ANKRD10: variants seen among roughly 807,000 people sequenced by gnomAD.
ANKRD10 encodes ankyrin repeat domain-containing protein 10.
Under a neutral mutation model 27.0 loss-of-function variants are expected in ANKRD10, and 14 were observed. The ratio of observed to expected loss-of-function variants is 0.52; its 90% confidence interval spans 0.34 to 0.81. The LOEUF is 0.81. Among genes scored for constraint, ANKRD10 ranks in the 40% least tolerant of loss-of-function variants. ANKRD10 has a pLI of 0.01. For synonymous variants in ANKRD10, 250 were observed against 224.5 expected (o/e 1.11, Z -1.01); for missense variants, 493 against 544.0 (o/e 0.91, Z 0.93).
chr13:110,912,368 A>T (rs888768006), intron 1 of ANKRD10, among the ~76,000 whole-genome samples: 2 of 152,046 alleles, frequency 1.3e-5, no homozygotes, highest in Non-Finnish European at 2.9e-5. Flanking sequence ...GATTCAAAAC[A>T]CCCTCTTCAA....
chr13:110,910,683 C>T lies in ANKRD10; in HGVS notation c.298G>A (p.Ala100Thr). The T allele has an allele frequency of 6.2e-7, 1 of 1,614,172 alleles. No individual in the cohort carries two copies. Among genetic ancestry groups the T allele is most frequent in the Non-Finnish European group, 8.5e-7 (1 of 1,180,016 alleles). Residue 100 changes from alanine (A) to threonine (T), a missense_variant, in exon 2 of 6, where the codon GCC (alanine) becomes ACC (threonine). Physicochemically the swap from Ala to Thr is moderately conservative, Grantham distance 58. Coordinates refer to ENST00000267339, the MANE Select transcript of ANKRD10 (RefSeq NM_017664.4). Reference protein sequence around the residue: ...RYAQTPAHIAAFGGHPQCLVW... With the variant: ...RYAQTPAHIATFGGHPQCLVW... ...AGGCACTGAGGATGTCCCCCAAAGG[C>T]TGCAATGTGGGCTGGCGTCTGCGCG...
rs374936803 is a variant in ANKRD10, at chr13:110,883,773, C to A, written c.712G>T (p.Val238Leu). 6.8e-6 allele frequency: 11 copies of A among 1,614,000 alleles called. No individual in the cohort carries two copies. The highest frequency in any genetic ancestry group is 1.1e-5 in the South Asian group (1 of 91,088). Reference protein sequence around the residue: ...RTEAQSLDSAVPLTNGDTEDD... With the variant: ...RTEAQSLDSALPLTNGDTEDD... The stretch of plus-strand genomic sequence containing the variant: ...TCTGTGTCGCCATTCGTGAGTGGCA[C>A]GGCAGAATCCAAGCTTTGAGCTGCA... The change falls in exon 5 of 6, where the codon GTG (valine) becomes TTG (leucine). Residue 238 changes from valine (V) to leucine (L), a missense_variant. Val to Leu is a conservative substitution (Grantham distance 32). Transcript: ENST00000267339.
intron 1 of ANKRD10, among the ~76,000 whole-genome samples, chr13:110,912,916 C>G (rs1483358356): frequency 6.6e-6 from 1 of 152,156 alleles, no homozygotes; most frequent in African/African-American, 2.4e-5. Context: ...GACCAAAGAG[C>G]CCTATGATTC....
chr13:110,902,998 G>C (rs2065427110), intron 3 of ANKRD10, among the ~76,000 whole-genome samples: 1 of 152,118 alleles, frequency 6.6e-6, no homozygotes, highest in East Asian at 1.9e-4. Context: ...GTAGTGAAAA[G>C]GTCTTCTTAA....
intron 4 of ANKRD10, among the ~76,000 whole-genome samples, chr13:110,886,524 T>C (rs1424439958): frequency 6.6e-6 from 1 of 152,234 alleles, no homozygotes; most frequent in East Asian, 1.9e-4. Context: ...TCATTCCTAG[T>C]AGCTATACAT....
Position 110,915,030 on chromosome 13 carries a change from C to T in ANKRD10, c.-96G>A. ...CCGCAGCACAAAGGAACGAGACTAG[C>T]GCCGCGGTCGCGTCCCACAGGCTGC... On this transcript the variant is annotated 5_prime_UTR_variant, in exon 1 of 6. Transcript: ENST00000267339. 3.5e-6 allele frequency: 5 copies of T among 1,443,192 alleles called. No individual in the cohort carries two copies. Among genetic ancestry groups the T allele is most frequent in the Non-Finnish European group, 3.6e-6 (4 of 1,103,282 alleles). 89.4% of individuals were successfully genotyped at this position (1,443,192 alleles called of 1,614,324 possible).
In ANKRD10 at chr13:110,897,274, T is replaced by A. The variant is rs1451410696; in HGVS notation, c.456-4011A>T. On this transcript the variant is annotated intron_variant, in intron 3 of 5. Coordinates refer to ENST00000267339, the MANE Select transcript of ANKRD10 (RefSeq NM_017664.4). ...TCCCAAGTAGCTAGGTATACAGGCATGTGCTACCATGCCTGGCTACTTTTT... is the reference window on the plus strand; with the variant it reads ...TCCCAAGTAGCTAGGTATACAGGCAAGTGCTACCATGCCTGGCTACTTTTT... Among the ~76,000 whole-genome samples the A allele has an allele frequency of 2.7e-5, 4 of 148,812 alleles. No homozygotes were observed. In the Admixed American group the frequency reaches 2.7e-4, roughly 10 times the overall value.
In ANKRD10 at chr13:110,910,662, ACT is replaced by A; in HGVS notation, c.317_318del (p.Gln106LeufsTer13). On this transcript the variant is annotated frameshift_variant, in exon 2 of 6. Transcript: ENST00000267339. LOFTEE classifies it high-confidence loss of function. ...CCTGCTTGAATCAGCCAGACCAGGC[ACT>A]GAGGATGTCCCCCAAAGGCTGCAAT... The part of the protein sequence containing the change: ...AHIAAFGGHP[Q>X]CLVWLIQAGA... 1 of 1,614,160 alleles carries A rather than the reference ACT, an allele frequency of 6.2e-7. No homozygotes were observed. The highest frequency in any genetic ancestry group is 8.5e-7 in the Non-Finnish European group (1 of 1,180,022).
intron 3 of ANKRD10, among the ~76,000 whole-genome samples, chr13:110,901,910 G>GGA (rs1361031564): frequency 6.6e-6 from 1 of 152,118 alleles, no homozygotes; most frequent in Admixed American, 6.6e-5. Context: ...GGGCATGGTG[G>GGA]TATGTGCCTA....
At chr13:110,889,284 T>TA (rs1378209592) in intron 4 of ANKRD10, among the ~76,000 whole-genome samples, 1 of 152,010 alleles carries the variant, frequency 6.6e-6, no homozygotes, top group Admixed American at 6.6e-5. Flanking sequence ...ACAAAAAAAT[T>TA]AAAGACTGAT....
At chr13:110,910,138 T>C (rs2065654172) in intron 2 of ANKRD10, among the ~76,000 whole-genome samples, 1 of 152,236 alleles carries the variant, frequency 6.6e-6, no homozygotes, top group South Asian at 2.1e-4. Context: ...TATGTTTAAA[T>C]ACCAAGTCCT....
chr13:110,910,277 T>C (rs932099522), intron 2 of ANKRD10, among the ~76,000 whole-genome samples: 3 of 152,238 alleles, frequency 2.0e-5, no homozygotes, highest in African/African-American at 4.8e-5. Flanking sequence ...GAAAATGTTT[T>C]CATAATTATC....
At chr13:110,892,767 G>T (rs1238127442) in intron 4 of ANKRD10, 28 of 1,168,126 alleles carry the variant, frequency 2.4e-5, no homozygotes, top group Non-Finnish European at 2.5e-5. Flanking sequence ...CTAATTCATG[G>T]CAGGTAAACA....
intron 4 of ANKRD10, among the ~76,000 whole-genome samples, chr13:110,886,646 C>T (rs1342972660): frequency 1.3e-5 from 2 of 152,136 alleles, no homozygotes; most frequent in Admixed American, 1.3e-4. Context: ...GGATTTGGAC[C>T]TGTAAGACCC....
intron 5 of ANKRD10, among the ~76,000 whole-genome samples, chr13:110,880,499 T>C (rs866151338): frequency 6.6e-6 from 1 of 152,296 alleles, no homozygotes; most frequent in South Asian, 2.1e-4. Context: ...CAGAACTGAG[T>C]GTAAAGTGTT....
chr13:110,909,411 G>A (rs900407442), intron 2 of ANKRD10, among the ~76,000 whole-genome samples: 10 of 152,234 alleles, frequency 6.6e-5, no homozygotes, highest in Admixed American at 2.6e-4. Context: ...AGGGTATTGA[G>A]TAGGTAATTC....
rs1350460820 is a variant in ANKRD10, at chr13:110,893,224, T to C, written c.495A>G (p.Ala165=). The change falls in exon 4 of 6, where the codon GCA becomes GCG. Residue 165 remains alanine, a synonymous_variant. Transcript: ENST00000267339. ...NASGLTAADI[A]QTQGFQECAQ... Reference sequence around the variant, plus strand: ...CACACTCTTGGAAACCCTGGGTTTGTGCAATGTCTGCTGCTGTCAGGCCAC... The same window carrying C: ...CACACTCTTGGAAACCCTGGGTTTGCGCAATGTCTGCTGCTGTCAGGCCAC... 1 of 1,614,196 alleles carries C rather than the reference T, an allele frequency of 6.2e-7. No homozygotes were observed. Among genetic ancestry groups the C allele is most frequent in the Non-Finnish European group, 8.5e-7 (1 of 1,180,024 alleles).
intron 3 of ANKRD10, chr13:110,900,855 C>T (rs1249315496): frequency 1.3e-5 from 5 of 379,352 alleles, no homozygotes; most frequent in Non-Finnish European, 1.9e-5. Context: ...GGTGCAGAAG[C>T]ACACTGAGCT....
Position 110,914,901 on chromosome 13 carries a change from C to T in ANKRD10, c.34G>A (p.Ala12Thr), listed in dbSNP as rs1401239699. 13 of 1,538,578 alleles carry T rather than the reference C, an allele frequency of 8.4e-6. No individual in the cohort carries two copies. Among genetic ancestry groups the T allele is most frequent in the Non-Finnish European group, 8.7e-6 (10 of 1,146,368 alleles). Reference sequence around the variant, plus strand: ...AGCAGCTCCTCGCTGGAGAAGCCCGCCTCTACGCCCGCGCCCGCTCCCGCC... The same window carrying T: ...AGCAGCTCCTCGCTGGAGAAGCCCGTCTCTACGCCCGCGCCCGCTCCCGCC... ...SAAGAGAGVEAGFSSEELLSL... is the reference protein window; with the variant it reads ...SAAGAGAGVETGFSSEELLSL... The change falls in exon 1 of 6, where the codon GCG (alanine) becomes ACG (threonine). Residue 12 changes from alanine to threonine, a missense_variant. By Grantham distance (58) the Ala-to-Thr change is moderately conservative (BLOSUM62 0). Transcript: ENST00000267339.
Sources: allele counts gnomAD v4.1 joint callset (sites outside exome capture counted in the v4.1 genomes callset), GRCh38; gene constraint gnomAD v4.1.1; transcripts MANE v1.5; gene names NCBI Gene and HGNC (gene_info 2026-07-23, HGNC 2026-07-21).